The following IQCK variants were observed in gnomAD, a reference collection of about 807,000 sequenced individuals.
IQCK encodes the protein IQ domain-containing protein K.
IQCK carries 29 observed loss-of-function variants against 28.1 expected under a neutral mutation model. That is an observed-to-expected ratio of 1.03 (90% CI 0.77 to 1.41). IQCK has a LOEUF of 1.41. Among genes scored for constraint, IQCK ranks in the 40% most tolerant of loss-of-function variants. IQCK has a pLI of 0.00. For synonymous variants in IQCK, 113 were observed against 115.1 expected (o/e 0.98, Z 0.12); for missense variants, 359 against 314.7 (o/e 1.14, Z -1.07).
At chr16:19,724,748 G>T (rs1296836840) in intron 1 of IQCK, among the ~76,000 whole-genome samples, 1 of 152,112 alleles carries the variant, frequency 6.6e-6, no homozygotes, top group Non-Finnish European at 1.5e-5. Context: ...TAGCCAGGAT[G>T]GTCTCAATCT....
At chr16:19,856,538 C>G in exon 10 of IQCK, 1 of 1,613,616 alleles carries the variant, frequency 6.2e-7, no homozygotes, top group Non-Finnish European at 8.5e-7. Flanking sequence ...ATGAAAATTC[C>G]ATCATCTTAA....
At chr16:19,845,957 T>C (rs1298521150) in intron 9 of IQCK, among the ~76,000 whole-genome samples, 7 of 152,000 alleles carry the variant, frequency 4.6e-5, no homozygotes, top group Admixed American at 2.0e-4. Flanking sequence ...ATACCTGTGG[T>C]CCCAGTTACT....
intron 6 of IQCK, among the ~76,000 whole-genome samples, chr16:19,783,993 A>G (rs1567556026): frequency 6.8e-6 from 1 of 147,586 alleles, no homozygotes; most frequent in African/African-American, 2.5e-5. Context: ...GGATTTCATG[A>G]CATCGGTTGT....
intron 6 of IQCK, 120 bp downstream of exon 6, chr16:19,764,232 ATTTG>A: frequency 1.3e-6 from 1 of 764,216 alleles, no homozygotes; most frequent in Non-Finnish European, 2.2e-6. Context: ...GGCCAGTCAT[ATTTG>A]TGACTCCTGT....
At chr16:19,732,654 G>A (rs565169759) in intron 2 of IQCK, among the ~76,000 whole-genome samples, 50 of 152,236 alleles carry the variant, frequency 3.3e-4, no homozygotes, top group African/African-American at 1.1e-3. Flanking sequence ...GTAGAGATGA[G>A]GTCTTGCTAT....
At chr16:19,730,460 A>G in exon 2 of IQCK, 1 of 1,608,924 alleles carries the variant, frequency 6.2e-7, no homozygotes, top group Non-Finnish European at 8.5e-7. Context: ...CCCTTTCCAG[A>G]AGGATATAAA....
At chr16:19,763,280 T>C (rs2055176204) in intron 4 of IQCK, among the ~76,000 whole-genome samples, 1 of 152,026 alleles carries the variant, frequency 6.6e-6, no homozygotes, top group Non-Finnish European at 1.5e-5. Flanking sequence ...AGAAAATATA[T>C]TTACTAGTCA....
intron 1 of IQCK, among the ~76,000 whole-genome samples, chr16:19,729,580 CT>C (rs1335000959): frequency 2.0e-5 from 3 of 151,998 alleles, no homozygotes; most frequent in Non-Finnish European, 4.4e-5. Flanking sequence ...AGCGTCGACT[CT>C]TTCATGTAAG....
intron 9 of IQCK, among the ~76,000 whole-genome samples, chr16:19,835,383 C>T (rs892948640): frequency 5.9e-5 from 9 of 152,200 alleles, no homozygotes; most frequent in African/African-American, 2.2e-4. Flanking sequence ...GGCAATATAT[C>T]ATTGCCATCT....
chr16:19,807,314 G>A (rs2055846688), intron 7 of IQCK, among the ~76,000 whole-genome samples: 2 of 152,202 alleles, frequency 1.3e-5, no homozygotes, highest in South Asian at 4.1e-4. Flanking sequence ...CTGCTCCTAT[G>A]TTCCTAATCT....
chr16:19,821,043 A>G (rs935829225), intron 7 of IQCK, among the ~76,000 whole-genome samples: 4 of 152,208 alleles, frequency 2.6e-5, no homozygotes, highest in Admixed American at 1.3e-4. Context: ...TAGGATGGCT[A>G]TAGTGAAAAA....
chr16:19,737,057 G>T (rs1196920992), intron 4 of IQCK, among the ~76,000 whole-genome samples: 1 of 151,824 alleles, frequency 6.6e-6, no homozygotes, highest in Non-Finnish European at 1.5e-5. Flanking sequence ...AGCTGCTCAT[G>T]GGGCTGAGAT....
intron 4 of IQCK, among the ~76,000 whole-genome samples, chr16:19,754,406 C>A (rs1466229621): frequency 1.3e-5 from 2 of 152,180 alleles, no homozygotes; most frequent in Non-Finnish European, 2.9e-5. Context: ...AATGTGGACT[C>A]TGGGTAGAGG....
chr16:19,745,204 T>C (rs1041068061), intron 4 of IQCK, among the ~76,000 whole-genome samples: 1 of 152,218 alleles, frequency 6.6e-6, no homozygotes, highest in African/African-American at 2.4e-5. Flanking sequence ...TAGGTTATTT[T>C]CTTTCTCTCT....
intron 6 of IQCK, among the ~76,000 whole-genome samples, chr16:19,776,987 A>G (rs1324427233): frequency 6.6e-6 from 1 of 152,230 alleles, no homozygotes; most frequent in Non-Finnish European, 1.5e-5. Flanking sequence ...AGAATTGGTC[A>G]GATTCATTTG....
chr16:19,748,072 C>CTTTTTTTTTTTTTTTTTTTTTTTTTTTT (rs61573221), intron 4 of IQCK, among the ~76,000 whole-genome samples: 1 of 117,214 alleles, frequency 8.5e-6, no homozygotes, highest in Non-Finnish European at 1.7e-5. Flanking sequence ...GGCTCAAATT[C>CTTTTTTTTTTTTTTTTTTTTTTTTTTTT]TTTTTTTTTT....
chr16:19,724,630 G>A (rs531433230), intron 1 of IQCK, among the ~76,000 whole-genome samples: 5 of 152,010 alleles, frequency 3.3e-5, no homozygotes, highest in Admixed American at 1.3e-4. Flanking sequence ...CTGGATTCAC[G>A]CCATTCTCCT....
intron 7 of IQCK, among the ~76,000 whole-genome samples, chr16:19,819,792 T>C (rs2141079492): frequency 6.6e-6 from 1 of 152,006 alleles, no homozygotes; most frequent in Non-Finnish European, 1.5e-5. Context: ...GGGGGGCAGA[T>C]CACGAGGTCA....
intron 7 of IQCK, among the ~76,000 whole-genome samples, chr16:19,803,266 C>T (rs945046775): frequency 1.3e-5 from 2 of 152,156 alleles, no homozygotes; most frequent in Admixed American, 1.3e-4. Context: ...CCTCAGCCTC[C>T]GGAGTAGCTG....
Sources: gnomAD v4.1 joint callset for allele counts (sites outside exome capture counted in the v4.1 genomes callset) on GRCh38, gnomAD v4.1.1 for gene constraint, MANE v1.5 for transcripts, NCBI Gene and HGNC (gene_info 2026-07-23, HGNC 2026-07-21) for gene names.